PKD2L1: variants seen among roughly 807,000 people sequenced by gnomAD.
The protein encoded by PKD2L1 is polycystin-2-like protein 1.
In PKD2L1, 77 loss-of-function variants were observed where a neutral mutation model predicts 93.0. The observed-to-expected ratio is 0.83, with a 90% CI of 0.69 to 1.00. The LOEUF (loss-of-function observed/expected upper bound fraction) is 1.00, where lower values mean the gene tolerates loss of function less well. PKD2L1 is among the 50% of genes least tolerant of loss of function. PKD2L1 has a pLI of 0.00. For synonymous variants in PKD2L1, 390 were observed against 388.0 expected, an observed-to-expected ratio of 1.01 and a Z score of -0.06; for missense variants, 977 against 990.9, an observed-to-expected ratio of 0.99 and a Z score of 0.19.
At position 100,294,419 on chromosome 10, in the gene PKD2L1, C is replaced by CA; in HGVS notation, c.1659+115dup. On this transcript the variant is annotated intron_variant, in intron 9 of 15. Transcript: ENST00000318222. ...CAGAAGATCCAGACATCGGCCCCCCCACTCACTCTCCATCCTTGATTTGAG... is the reference window on the plus strand; with the variant it reads ...CAGAAGATCCAGACATCGGCCCCCCCAACTCACTCTCCATCCTTGATTTGAG... 3 of 1,083,662 alleles carry CA rather than the reference C, an allele frequency of 2.8e-6. No individual in the cohort carries two copies. In the South Asian group the frequency reaches 4.1e-5, roughly 15 times the overall value. The allele number at this position is 1,083,662 out of a possible 1,614,324, so 67.1% of individuals were successfully genotyped here.
intron 2 of PKD2L1, among the ~76,000 whole-genome samples, chr10:100,315,093 A>G: frequency 2.3e-5 from 2 of 88,730 alleles, no homozygotes; most frequent in Non-Finnish European, 4.7e-5. Flanking sequence ...AGGGAAGGGA[A>G]GGGAAGGGAA....
intron 2 of PKD2L1, among the ~76,000 whole-genome samples, chr10:100,328,696 C>T (rs1314931804): frequency 6.6e-6 from 1 of 151,514 alleles, no homozygotes; most frequent in Admixed American, 6.6e-5. Flanking sequence ...TGGGTTTAAG[C>T]GATTCTCCTG....
At chr10:100,314,795 G>T (rs1367613160) in intron 2 of PKD2L1, among the ~76,000 whole-genome samples, 1 of 151,820 alleles carries the variant, frequency 6.6e-6, no homozygotes, top group African/African-American at 2.4e-5. Context: ...CACTTTGGGA[G>T]GCTGAGGTGG....
chr10:100,291,157 C>G, intron 12 of PKD2L1, 144 bp downstream of exon 12: 1 of 821,354 alleles, frequency 1.2e-6, no homozygotes, highest in East Asian at 2.5e-5. Flanking sequence ...TTCTAATGTG[C>G]AGCAGTTTGG....
Position 100,330,058 on chromosome 10 carries a change from C to T in PKD2L1, c.46G>A (p.Gly16Arg), listed in dbSNP as rs1417306586. 11 of 1,606,776 alleles carry T rather than the reference C, an allele frequency of 6.8e-6. No individual in the cohort carries two copies. Among genetic ancestry groups the T allele is most frequent in the African/African-American group, 1.3e-5 (1 of 74,752 alleles). Reference sequence around the variant, plus strand: ...GCGGGGTTGTCCCAGGCTCCACTCCCCAGCTTTTGCAGCTCCTGCCCCTCA... The same window carrying T: ...GCGGGGTTGTCCCAGGCTCCACTCCTCAGCTTTTGCAGCTCCTGCCCCTCA... ...SPEGQELQKL[G>R]SGAWDNPAYS... Residue 16 changes from glycine to arginine, a missense_variant, in exon 1 of 16, where the codon GGG becomes AGG. Gly to Arg is a moderately radical substitution (Grantham distance 125). Transcript: ENST00000318222.
intron 3 of PKD2L1, among the ~76,000 whole-genome samples, chr10:100,299,066 C>G (rs1477450978): frequency 6.6e-6 from 1 of 152,158 alleles, no homozygotes; most frequent in Non-Finnish European, 1.5e-5. Context: ...AAGCGATTCT[C>G]CTGCCTCAGC....
At chr10:100,305,486 T>C (rs920267707) in intron 2 of PKD2L1, among the ~76,000 whole-genome samples, 3 of 152,182 alleles carry the variant, frequency 2.0e-5, no homozygotes, top group Non-Finnish European at 4.4e-5. Flanking sequence ...GTCATCAAAA[T>C]AGTCAAGGAC....
chr10:100,326,969 C>T (rs956067349), intron 2 of PKD2L1, among the ~76,000 whole-genome samples: 1 of 152,146 alleles, frequency 6.6e-6, no homozygotes, highest in Non-Finnish European at 1.5e-5. Flanking sequence ...CAAGGGCAAG[C>T]TATATTCATT....
chr10:100,288,521 C>G (rs372890992), intron 15 of PKD2L1, 43 bp from the exon 16 acceptor site: 16 of 1,149,592 alleles, frequency 1.4e-5, no homozygotes, highest in Non-Finnish European at 2.6e-6. Flanking sequence ...AGCAACAAAT[C>G]TTGGGATGCA....
intron 2 of PKD2L1, among the ~76,000 whole-genome samples, chr10:100,317,875 C>A (rs886984267): frequency 6.6e-6 from 1 of 152,004 alleles, no homozygotes; most frequent in Admixed American, 6.6e-5. Flanking sequence ...GAGATCAGTT[C>A]GAGACCGGCC....
rs74154624 is a variant in PKD2L1 at position 100,297,368 on chromosome 10, G to A, written c.956+14C>T. The A allele has an allele frequency of 2.3e-3, 3,693 of 1,605,006 alleles. 47 individuals are homozygous for A. The African/African-American group carries it at 0.036, about 16-fold the overall frequency. On this transcript the variant is annotated intron_variant, in intron 5 of 15. Coordinates refer to ENST00000318222, the MANE Select transcript of PKD2L1 (RefSeq NM_016112.3). The stretch of plus-strand genomic sequence containing the variant: ...GCCATGGACAGGGTGATAAAGTAGG[G>A]AAAGGGGGCTCACCTCAGGACACAG...
intron 2 of PKD2L1, among the ~76,000 whole-genome samples, chr10:100,327,584 G>A (rs1254053434): frequency 1.3e-5 from 2 of 152,190 alleles, no homozygotes; most frequent in African/African-American, 4.8e-5. Context: ...AGACGTTTAA[G>A]TCATTTATAG....
intron 2 of PKD2L1, among the ~76,000 whole-genome samples, chr10:100,307,476 C>G (rs1332510302): frequency 6.6e-6 from 1 of 152,112 alleles, no homozygotes; most frequent in East Asian, 1.9e-4. Context: ...ATGGGCAAAA[C>G]TGGGAGACCT....
At chr10:100,295,688 G>A (rs141078660) in intron 7 of PKD2L1, among the ~76,000 whole-genome samples, 2 of 143,494 alleles carry the variant, frequency 1.4e-5, no homozygotes, top group Admixed American at 7.2e-5. Context: ...AGCTGAGATC[G>A]TGCCATTGTA....
chr10:100,298,138 AC>A (rs1454243002), intron 4 of PKD2L1, among the ~76,000 whole-genome samples: 2 of 151,616 alleles, frequency 1.3e-5, no homozygotes, highest in African/African-American at 2.4e-5. Flanking sequence ...TGTCCTGTCC[AC>A]CCTTTCCCCC....
At position 100,296,361 on chromosome 10, in the gene PKD2L1, C is replaced by A. The variant is rs907981074; in HGVS notation, c.1186-69G>T. 9.0e-6 allele frequency: 12 copies of A among 1,333,486 alleles called. No homozygotes were observed. The African/African-American group carries it at 1.7e-4, about 19-fold the overall frequency. 82.6% of individuals were successfully genotyped at this position (1,333,486 alleles called of 1,614,324 possible). On this transcript the variant is annotated intron_variant, in intron 6 of 15. Transcript: ENST00000318222. ...TCTCAAGGGAAGTTCCAAGATGAGG[C>A]CCCAAGGGAGAGTCAGGGTAGGTAA...
chr10:100,290,185 G>A, intron 13 of PKD2L1, 47 bp from the exon 14 acceptor site: 1 of 1,610,498 alleles, frequency 6.2e-7, no homozygotes, highest in Non-Finnish European at 8.5e-7. Flanking sequence ...TCTGTGTCTG[G>A]GGGCTGGATG....
intron 14 of PKD2L1, among the ~76,000 whole-genome samples, chr10:100,289,485 G>A (rs867743650): frequency 1.1e-4 from 17 of 152,326 alleles, no homozygotes; most frequent in African/African-American, 3.8e-4. Context: ...GTTGCAGTGA[G>A]CCGAGATCGT....
intron 2 of PKD2L1, among the ~76,000 whole-genome samples, chr10:100,321,671 GAAAGAAAGAAAGAAAGAA>G (rs1333873841): frequency 3.8e-3 from 3 of 792 alleles, no homozygotes; most frequent in African/African-American, 7.9e-3. Flanking sequence ...AGAAAAGAAA[GAAAGAAAGAAAGAAAGAA>G]AGAAAGAAAG....
Sources: allele counts gnomAD v4.1 joint callset (sites outside exome capture counted in the v4.1 genomes callset), GRCh38; gene constraint gnomAD v4.1.1; transcripts MANE v1.5; gene names NCBI Gene and HGNC (gene_info 2026-07-23, HGNC 2026-07-21).